EBF1: variants seen among roughly 807,000 people sequenced by gnomAD.
EBF1 encodes the protein EBF transcription factor 1.
A neutral mutation model predicts 68.4 loss-of-function variants in EBF1; 10 were observed. That is an observed-to-expected ratio of 0.15 (90% CI 0.09 to 0.25). The LOEUF is 0.25. EBF1 is among the 10% of genes least tolerant of loss of function. EBF1 has a pLI of 1.00. For synonymous variants in EBF1, 298 were observed against 299.8 expected, an observed-to-expected ratio of 0.99 and a Z score of 0.06; for missense variants, 509 against 794.4, an observed-to-expected ratio of 0.64 and a Z score of 4.32.
At chr5:158,872,431 G>A (rs1368607705) in intron 6 of EBF1, among the ~76,000 whole-genome samples, 4 of 152,008 alleles carry the variant, frequency 2.6e-5, no homozygotes, top group Non-Finnish European at 4.4e-5. Context: ...TCCTGACCCC[G>A]CGAACTGATC....
intron 6 of EBF1, among the ~76,000 whole-genome samples, chr5:158,947,374 GCATAGT>G (rs1814985963): frequency 6.6e-6 from 1 of 152,230 alleles, no homozygotes; most frequent in African/African-American, 2.4e-5. Context: ...CATGGGCAAA[GCATAGT>G]ATCTGGGCCA....
At chr5:158,829,813 G>C (rs939167464) in intron 7 of EBF1, among the ~76,000 whole-genome samples, 1 of 152,088 alleles carries the variant, frequency 6.6e-6, no homozygotes, top group African/African-American at 2.4e-5. Flanking sequence ...TCCTAACTAA[G>C]AGTTTTTGAC....
At chr5:158,992,917 C>CTTTTTT (rs148629320) in intron 6 of EBF1, among the ~76,000 whole-genome samples, 27 of 72,840 alleles carry the variant, frequency 3.7e-4, no homozygotes, top group East Asian at 3.6e-3. Flanking sequence ...CTGTTTCTTT[C>CTTTTTT]TTTTTTTTTT....
chr5:159,097,745 G>A (rs946608595), intron 1 of EBF1: 12 of 233,408 alleles, frequency 5.1e-5, no homozygotes, highest in African/African-American at 2.6e-4. Context: ...AAAGGGAAGA[G>A]GGGTGTTTTC....
chr5:158,999,991 G>A (rs1214457287), intron 6 of EBF1, among the ~76,000 whole-genome samples: 1 of 152,190 alleles, frequency 6.6e-6, no homozygotes, highest in Non-Finnish European at 1.5e-5. Flanking sequence ...GAATGTCTCT[G>A]AGTCTCTTTT....
In EBF1 at chr5:158,922,872, C is replaced by G. The variant is rs1251259094; in HGVS notation, c.555-82762G>C. Reference sequence around the variant, plus strand: ...TATTTTACTCTTTTTTCTAACCACTCTCTGTCCAGGTGGAATGAGACACAC... The same window carrying G: ...TATTTTACTCTTTTTTCTAACCACTGTCTGTCCAGGTGGAATGAGACACAC... On this transcript the variant is annotated intron_variant, in intron 6 of 15. Coordinates refer to ENST00000313708, the MANE Select transcript of EBF1 (RefSeq NM_024007.5). 2.6e-5 allele frequency among the ~76,000 whole-genome samples: 4 copies of G among 152,316 alleles called. No individual in the cohort carries two copies. In the South Asian group the frequency reaches 6.2e-4, roughly 24 times the overall value.
At chr5:158,704,257 G>A (rs1246557173) in intron 15 of EBF1, among the ~76,000 whole-genome samples, 1 of 152,178 alleles carries the variant, frequency 6.6e-6, no homozygotes, top group Non-Finnish European at 1.5e-5. Context: ...TGACATGGCC[G>A]TGCTTAGTTC....
chr5:159,048,864 T>C (rs1772973425), intron 6 of EBF1, among the ~76,000 whole-genome samples: 1 of 152,250 alleles, frequency 6.6e-6, no homozygotes, highest in Non-Finnish European at 1.5e-5. Context: ...AACTTTTCAG[T>C]TCTGTTGTTC....
rs369931658 is a variant in EBF1, at chr5:158,712,957, G to A, written c.1369+13C>T. The A allele has an allele frequency of 9.0e-5, 129 of 1,429,308 alleles. No homozygotes were observed. Among genetic ancestry groups the A allele is most frequent in the Non-Finnish European group, 1.2e-4 (128 of 1,081,392 alleles). 88.5% of individuals were successfully genotyped at this position (1,429,308 alleles called of 1,614,324 possible). The stretch of plus-strand genomic sequence containing the variant: ...TTAAGGTTGGGGAGGGAAGAGAAAA[G>A]CAAGCTTCTGACCCTGATTGGTGGC... On this transcript the variant is annotated intron_variant, in intron 13 of 15. Transcript: ENST00000313708.
intron 6 of EBF1, among the ~76,000 whole-genome samples, chr5:159,021,470 A>G (rs1766667884): frequency 6.6e-6 from 1 of 152,204 alleles, no homozygotes; most frequent in Non-Finnish European, 1.5e-5. Flanking sequence ...CGAACAATCC[A>G]AGCAACTCTA....
chr5:158,778,947 C>CT (rs963977783), intron 9 of EBF1, among the ~76,000 whole-genome samples: 16 of 151,456 alleles, frequency 1.1e-4, no homozygotes, highest in East Asian at 1.9e-4. Flanking sequence ...GCTTCTTTGT[C>CT]TTTTTTTTTC....
intron 6 of EBF1, among the ~76,000 whole-genome samples, chr5:158,955,439 C>T (rs1816868674): frequency 1.3e-5 from 2 of 152,186 alleles, no homozygotes; most frequent in African/African-American, 4.8e-5. Flanking sequence ...AACTCAGCAG[C>T]CTGGGACCTC....
At chr5:158,886,292 A>G (rs1481427879) in intron 6 of EBF1, among the ~76,000 whole-genome samples, 1 of 152,254 alleles carries the variant, frequency 6.6e-6, no homozygotes, top group Non-Finnish European at 1.5e-5. Context: ...TTGGCAAATC[A>G]AAAGCTGGTC....
chr5:158,881,695 C>A (rs568988391), intron 6 of EBF1, among the ~76,000 whole-genome samples: 7 of 152,198 alleles, frequency 4.6e-5, no homozygotes, highest in African/African-American at 1.7e-4. Flanking sequence ...TAGCACCAAA[C>A]CTTGCTTGCA....
intron 10 of EBF1, among the ~76,000 whole-genome samples, chr5:158,766,671 G>A (rs1400146908): frequency 1.3e-5 from 2 of 152,158 alleles, no homozygotes; most frequent in Non-Finnish European, 2.9e-5. Flanking sequence ...AGATATGGCT[G>A]TCCAATGATA....
chr5:158,865,299 G>A (rs976077666), intron 6 of EBF1, among the ~76,000 whole-genome samples: 1 of 152,158 alleles, frequency 6.6e-6, no homozygotes, highest in African/African-American at 2.4e-5. Flanking sequence ...GGTTGGTTAT[G>A]ACATGAACTT....
intron 6 of EBF1, among the ~76,000 whole-genome samples, chr5:158,934,791 T>C (rs1811621232): frequency 6.6e-6 from 1 of 152,252 alleles, no homozygotes; most frequent in Admixed American, 6.5e-5. Context: ...GCCTGGCACA[T>C]AGTATTCACT....
intron 6 of EBF1, among the ~76,000 whole-genome samples, chr5:158,885,184 A>G (rs535831217): frequency 6.6e-6 from 1 of 152,368 alleles, no homozygotes; most frequent in East Asian, 1.9e-4. Context: ...TTGCTTATGC[A>G]TCTAAAGTTC....
chr5:158,790,911 G>T (rs2127727151), intron 9 of EBF1, among the ~76,000 whole-genome samples: 1 of 152,284 alleles, frequency 6.6e-6, no homozygotes, highest in East Asian at 1.9e-4. Context: ...TCACATCTGT[G>T]TATTGCAAGT....
Sources: gnomAD v4.1 joint callset for allele counts (sites outside exome capture counted in the v4.1 genomes callset) on GRCh38, gnomAD v4.1.1 for gene constraint, MANE v1.5 for transcripts, NCBI Gene and HGNC (gene_info 2026-07-23, HGNC 2026-07-21) for gene names.